WASHC3: variants seen among roughly 807,000 people sequenced by gnomAD.
The protein encoded by WASHC3 is WASH complex subunit 3.
In WASHC3, 24 loss-of-function variants were observed where a neutral mutation model predicts 26.1. That is an observed-to-expected ratio of 0.92 (90% CI 0.66 to 1.29). WASHC3 has a LOEUF of 1.29. WASHC3 is among the 50% of genes most tolerant of loss of function. The pLI, the probability that WASHC3 is intolerant of heterozygous loss-of-function variation, is 0.00. For missense variants in WASHC3, 214 were observed against 229.6 expected (o/e 0.93, Z 0.44); for synonymous variants, 77 against 75.7 (o/e 1.02, Z -0.09).
Position 102,061,320 on chromosome 12 carries a change from C to T in WASHC3, c.78G>A (p.Thr26=). The change falls in exon 2 of 7, where the codon ACG becomes ACA. Residue 26 remains threonine, a synonymous_variant. Coordinates refer to ENST00000240079, the MANE Select transcript of WASHC3 (RefSeq NM_016053.4). The part of the protein sequence containing the change: ...TKVPAIQQKR[T]VAFLNQFVVH... Reference sequence around the variant, plus strand: ...CCACAAATTGGTTTAGAAAAGCCACCGTTCTTTTCTGTTGAATAGCTGGCA... The same window carrying T: ...CCACAAATTGGTTTAGAAAAGCCACTGTTCTTTTCTGTTGAATAGCTGGCA... 1 of 1,613,502 alleles carries T rather than the reference C, an allele frequency of 6.2e-7. No individual in the cohort carries two copies.
At chr12:102,056,821 G>A (rs1206757525) in intron 2 of WASHC3, among the ~76,000 whole-genome samples, 1 of 152,092 alleles carries the variant, frequency 6.6e-6, no homozygotes, top group African/African-American at 2.4e-5. Flanking sequence ...CTTCACTACT[G>A]AATTCTACCA....
At chr12:102,027,870 AAGACTC>A (rs1877266835) in intron 5 of WASHC3, among the ~76,000 whole-genome samples, 1 of 152,198 alleles carries the variant, frequency 6.6e-6, no homozygotes, top group Non-Finnish European at 1.5e-5. Flanking sequence ...TTAGCTTATT[AAGACTC>A]AGGTAAAAAT....
intron 2 of WASHC3, among the ~76,000 whole-genome samples, chr12:102,048,549 G>A (rs1227196822): frequency 6.6e-6 from 1 of 151,584 alleles, no homozygotes; most frequent in Non-Finnish European, 1.5e-5. Context: ...TGGGCGACGA[G>A]TGAGACTCCG....
intron 4 of WASHC3, among the ~76,000 whole-genome samples, chr12:102,043,378 T>C (rs1356408748): frequency 6.6e-6 from 1 of 152,152 alleles, no homozygotes; most frequent in Non-Finnish European, 1.5e-5. Flanking sequence ...CAAGTGATCC[T>C]CCCACCTCAG....
At chr12:102,024,671 C>T (rs1194445536) in intron 6 of WASHC3, among the ~76,000 whole-genome samples, 1 of 152,114 alleles carries the variant, frequency 6.6e-6, no homozygotes, top group African/African-American at 2.4e-5. Flanking sequence ...ATTATATTTT[C>T]TCTAGAAAAA....
chr12:102,047,485 C>A (rs1281698020), intron 2 of WASHC3, among the ~76,000 whole-genome samples: 1 of 152,158 alleles, frequency 6.6e-6, no homozygotes, highest in Non-Finnish European at 1.5e-5. Context: ...TTACCCTTGA[C>A]TTCTAGAATT....
At chr12:102,047,777 C>A (rs1878223684) in intron 2 of WASHC3, among the ~76,000 whole-genome samples, 1 of 152,020 alleles carries the variant, frequency 6.6e-6, no homozygotes, top group African/African-American at 2.4e-5. Context: ...TTTAATATAC[C>A]TATATATTTA....
intron 5 of WASHC3, among the ~76,000 whole-genome samples, chr12:102,036,362 C>CAAAAA (rs1271595888): frequency 1.4e-5 from 1 of 71,976 alleles, no homozygotes; most frequent in Non-Finnish European, 2.9e-5. Context: ...GACTCCGTCT[C>CAAAAA]AAAAAAAAAA....
At chr12:102,056,346 T>C (rs745894305) in intron 2 of WASHC3, among the ~76,000 whole-genome samples, 1 of 152,322 alleles carries the variant, frequency 6.6e-6, no homozygotes, top group Non-Finnish European at 1.5e-5. Flanking sequence ...CAGGAATTTT[T>C]CCACAGTACT....
At chr12:102,058,903 A>G (rs1407147985) in intron 2 of WASHC3, among the ~76,000 whole-genome samples, 2 of 152,230 alleles carry the variant, frequency 1.3e-5, no homozygotes, top group Non-Finnish European at 1.5e-5. Flanking sequence ...TTGTGACAAC[A>G]TAAATGAACT....
chr12:102,046,961 T>C (rs1485090208), intron 2 of WASHC3, among the ~76,000 whole-genome samples: 1 of 152,316 alleles, frequency 6.6e-6, no homozygotes, highest in Middle Eastern at 3.4e-3. Context: ...AGATGAGTAA[T>C]TCATTTTGGA....
At chr12:102,041,685 A>G (rs1877944436) in intron 4 of WASHC3, among the ~76,000 whole-genome samples, 1 of 152,078 alleles carries the variant, frequency 6.6e-6, no homozygotes, top group Non-Finnish European at 1.5e-5. Flanking sequence ...TTTTGTATAA[A>G]ATATACCAAT....
intron 2 of WASHC3, among the ~76,000 whole-genome samples, chr12:102,059,098 A>G (rs1360689630): frequency 6.6e-6 from 1 of 152,174 alleles, no homozygotes; most frequent in Non-Finnish European, 1.5e-5. Flanking sequence ...TCAGTTAGGC[A>G]GGAGGAATAA....
At chr12:102,055,397 G>C (rs149706496) in intron 2 of WASHC3, among the ~76,000 whole-genome samples, 6,548 of 152,298 alleles carry the variant, frequency 0.043, 211 homozygotes, top group Non-Finnish European at 0.066. Context: ...CCAGGCTGGA[G>C]TGCAATGGCG....
intron 2 of WASHC3, among the ~76,000 whole-genome samples, chr12:102,056,475 A>G (rs1272035805): frequency 6.6e-6 from 1 of 152,182 alleles, no homozygotes; most frequent in African/African-American, 2.4e-5. Flanking sequence ...GTGATTCTAT[A>G]TCTTGTTCTA....
At chr12:102,045,024 T>G (rs1470105698) in intron 3 of WASHC3, among the ~76,000 whole-genome samples, 5 of 151,958 alleles carry the variant, frequency 3.3e-5, no homozygotes, top group Non-Finnish European at 5.9e-5. Context: ...GGACTCTAAC[T>G]CCCAGGAATT....
chr12:102,024,659 TTATTA>T (rs1877098301), intron 6 of WASHC3, among the ~76,000 whole-genome samples: 1 of 152,234 alleles, frequency 6.6e-6, no homozygotes, highest in Non-Finnish European at 1.5e-5. Context: ...AGTTTTCCAT[TTATTA>T]TATTTTCTCT....
chr12:102,036,671 G>T (rs1378697128), intron 5 of WASHC3, among the ~76,000 whole-genome samples: 1 of 151,640 alleles, frequency 6.6e-6, no homozygotes. Flanking sequence ...CAGAGCAAAA[G>T]AAGGTCAAGT....
intron 2 of WASHC3, among the ~76,000 whole-genome samples, chr12:102,048,550 T>G (rs1353216515): frequency 2.0e-5 from 3 of 150,748 alleles, no homozygotes; most frequent in African/African-American, 7.3e-5. Context: ...GGGCGACGAG[T>G]GAGACTCCGT....
Sources: allele counts gnomAD v4.1 joint callset (sites outside exome capture counted in the v4.1 genomes callset), GRCh38; gene constraint gnomAD v4.1.1; transcripts MANE v1.5; gene names NCBI Gene and HGNC (gene_info 2026-07-23, HGNC 2026-07-21).